FAM135B: variants seen among roughly 807,000 people sequenced by gnomAD.
FAM135B encodes family with sequence similarity 135 member B.
A neutral mutation model predicts 127.7 loss-of-function variants in FAM135B; 43 were observed. The ratio of observed to expected loss-of-function variants is 0.34; its 90% CI spans 0.26 to 0.43. The LOEUF (loss-of-function observed/expected upper bound fraction) is 0.43, where lower values mean the gene tolerates loss of function less well. Among genes scored for constraint, FAM135B ranks in the 20% least tolerant of loss-of-function variants. FAM135B has a pLI of 1.00. For synonymous variants in FAM135B, 670 were observed against 665.1 expected, an observed-to-expected ratio of 1.01 and a Z score of -0.11; for missense variants, 1,558 against 1,725.6, an observed-to-expected ratio of 0.90 and a Z score of 1.72.
chr8:138,361,054 T>C (rs776815111), intron 2 of FAM135B, among the ~76,000 whole-genome samples: 1 of 151,934 alleles, frequency 6.6e-6, no homozygotes, highest in Non-Finnish European at 1.5e-5. Context: ...GTCTCCCGAG[T>C]AGCTGGGATT....
At chr8:138,494,160 C>G (rs955527430) in intron 1 of FAM135B, among the ~76,000 whole-genome samples, 2 of 152,158 alleles carry the variant, frequency 1.3e-5, no homozygotes, top group African/African-American at 4.8e-5. Flanking sequence ...GTGGGTTGAC[C>G]CTAAATAATG....
rs1022127726 is a variant in FAM135B at position 138,304,943 on chromosome 8, C to CCCACCCTGCCGG, written c.157+5886_157+5897dup. Among the ~76,000 whole-genome samples, 39 of 152,160 alleles carry CCCACCCTGCCGG rather than the reference C, an allele frequency of 2.6e-4. 1 individual carries two copies. The highest frequency in any genetic ancestry group is 8.4e-4 in the African/African-American group (35 of 41,442). On this transcript the variant is annotated intron_variant, in intron 3 of 19. Coordinates refer to ENST00000395297, the MANE Select transcript of FAM135B (RefSeq NM_015912.4). ...CTTAATCAGGAAGGCCACTCTGCCA[C>CCCACCCTGCCGG]CCACCCTGCCGGCCACCCTGCCGGC...
intron 6 of FAM135B, among the ~76,000 whole-genome samples, chr8:138,244,658 T>C (rs1399699840): frequency 6.6e-6 from 1 of 152,254 alleles, no homozygotes; most frequent in Admixed American, 6.5e-5. Flanking sequence ...AATTTAGCTA[T>C]AAGATGGATA....
intron 1 of FAM135B, among the ~76,000 whole-genome samples, chr8:138,473,546 T>C (rs539045843): frequency 3.3e-5 from 5 of 152,284 alleles, no homozygotes; most frequent in Admixed American, 6.5e-5. Context: ...TAAAAGATGG[T>C]AGTTTTTGTA....
At chr8:138,486,243 A>G (rs537459554) in intron 1 of FAM135B, among the ~76,000 whole-genome samples, 5 of 152,146 alleles carry the variant, frequency 3.3e-5, no homozygotes, top group African/African-American at 1.2e-4. Context: ...GCAAAGTTTC[A>G]GGAGACATTT....
intron 1 of FAM135B, among the ~76,000 whole-genome samples, chr8:138,470,612 T>C (rs1484588795): frequency 6.6e-6 from 1 of 152,230 alleles, no homozygotes; most frequent in Non-Finnish European, 1.5e-5. Flanking sequence ...CGGGAATCTT[T>C]CAGAGTCACT....
At chr8:138,391,567 T>C (rs1402942732) in intron 1 of FAM135B, among the ~76,000 whole-genome samples, 1 of 152,130 alleles carries the variant, frequency 6.6e-6, no homozygotes, top group Non-Finnish European at 1.5e-5. Flanking sequence ...TCCAGATGAC[T>C]TCTCAAGCCA....
At position 138,201,025 on chromosome 8, in the gene FAM135B, C is replaced by T. The variant is rs541278565; in HGVS notation, c.670-3356G>A. On this transcript the variant is annotated intron_variant, in intron 7 of 19. Coordinates refer to ENST00000395297, the MANE Select transcript of FAM135B (RefSeq NM_015912.4). ...CTGAAACCAGGCCTGGCAGAGAGCACATGCTAGACAAAGCTCCGCTTGCTT... is the reference window on the plus strand; with the variant it reads ...CTGAAACCAGGCCTGGCAGAGAGCATATGCTAGACAAAGCTCCGCTTGCTT... Among the ~76,000 whole-genome samples, 10 of 152,318 alleles carry T rather than the reference C, an allele frequency of 6.6e-5. No individual in the cohort carries two copies. In the South Asian group the frequency reaches 2.1e-3, roughly 32 times the overall value.
chr8:138,180,709 G>A (rs1453384235), intron 9 of FAM135B, among the ~76,000 whole-genome samples: 1 of 152,188 alleles, frequency 6.6e-6, no homozygotes, highest in African/African-American at 2.4e-5. Flanking sequence ...TATCATGGAT[G>A]ACTTGCTTCC....
At chr8:138,232,735 C>T (rs558188914) in intron 7 of FAM135B, among the ~76,000 whole-genome samples, 1 of 152,138 alleles carries the variant, frequency 6.6e-6, no homozygotes, top group South Asian at 2.1e-4. Context: ...CTTTAAATAA[C>T]TTGTGTTTTT....
intron 1 of FAM135B, among the ~76,000 whole-genome samples, chr8:138,444,783 G>A (rs1476543268): frequency 6.6e-6 from 1 of 151,968 alleles, no homozygotes; most frequent in African/African-American, 2.4e-5. Flanking sequence ...CTAGCAGAAG[G>A]CAAGAAATAA....
intron 2 of FAM135B, among the ~76,000 whole-genome samples, chr8:138,366,162 C>A (rs1830717078): frequency 6.6e-6 from 1 of 152,216 alleles, no homozygotes; most frequent in Non-Finnish European, 1.5e-5. Context: ...ATGTACTGTT[C>A]TACTTCCCTA....
chr8:138,285,497 G>A (rs535114268), intron 3 of FAM135B, among the ~76,000 whole-genome samples: 23 of 152,168 alleles, frequency 1.5e-4, no homozygotes, highest in African/African-American at 4.3e-4. Context: ...CTTCTGTAGC[G>A]ACAGAGATAC....
chr8:138,201,657 T>A (rs1165253617), intron 7 of FAM135B, among the ~76,000 whole-genome samples: 1 of 152,066 alleles, frequency 6.6e-6, no homozygotes, highest in Non-Finnish European at 1.5e-5. Flanking sequence ...CCCTGCGCCA[T>A]TTTCCCTAGC....
chr8:138,190,457 A>C (rs1816008980), intron 9 of FAM135B, among the ~76,000 whole-genome samples: 1 of 152,260 alleles, frequency 6.6e-6, no homozygotes, highest in East Asian at 1.9e-4. Flanking sequence ...TTGTAGCAAG[A>C]AAATACCAAC....
chr8:138,397,170 T>C (rs925202870), intron 1 of FAM135B, among the ~76,000 whole-genome samples: 1 of 152,198 alleles, frequency 6.6e-6, no homozygotes, highest in African/African-American at 2.4e-5. Context: ...TACGGAAGGC[T>C]GGGCTCCGTG....
intron 1 of FAM135B, among the ~76,000 whole-genome samples, chr8:138,423,038 T>A (rs1454128432): frequency 6.6e-6 from 1 of 152,192 alleles, no homozygotes; most frequent in Non-Finnish European, 1.5e-5. Flanking sequence ...GACCACATGT[T>A]CTTACTTATA....
At chr8:138,484,244 C>A (rs765620250) in intron 1 of FAM135B, among the ~76,000 whole-genome samples, 1 of 152,134 alleles carries the variant, frequency 6.6e-6, no homozygotes, top group South Asian at 2.1e-4. Flanking sequence ...TAAACAGGAG[C>A]TCTAGTCCTT....
At chr8:138,366,351 A>G (rs984235508) in intron 2 of FAM135B, among the ~76,000 whole-genome samples, 60 of 152,328 alleles carry the variant, frequency 3.9e-4, no homozygotes, top group African/African-American at 1.2e-3. Flanking sequence ...GAGTGGTGCC[A>G]AAGGAGCTCC....
Sources: gnomAD v4.1 joint callset for allele counts (sites outside exome capture counted in the v4.1 genomes callset) on GRCh38, gnomAD v4.1.1 for gene constraint, MANE v1.5 for transcripts, NCBI Gene and HGNC (gene_info 2026-07-23, HGNC 2026-07-21) for gene names.